The following KCND2 variants were observed in gnomAD, a reference collection of about 807,000 sequenced individuals.
KCND2 encodes the protein A-type voltage-gated potassium channel KCND2.
In KCND2, 16 loss-of-function variants were observed where a neutral mutation model predicts 54.4. The ratio of observed to expected loss-of-function variants is 0.29; its 90% CI spans 0.20 to 0.45. The LOEUF (loss-of-function observed/expected upper bound fraction) is 0.45, where lower values mean the gene tolerates loss of function less well. Ranked by LOEUF, KCND2 falls within the 20% of genes least tolerant of loss-of-function variation. The probability of loss-of-function intolerance (pLI) is 1.00; values close to 1 mark genes in which losing one functional copy is unlikely to be tolerated. For missense variants in KCND2, 486 were observed against 824.2 expected (o/e 0.59, Z 5.02); for synonymous variants, 317 against 310.7 (o/e 1.02, Z -0.21).
intron 1 of KCND2, among the ~76,000 whole-genome samples, chr7:120,465,941 A>T (rs1802361822): frequency 6.6e-6 from 1 of 152,144 alleles, no homozygotes; most frequent in Non-Finnish European, 1.5e-5. Context: ...TGAGTAATAC[A>T]ATATTAGTTT....
rs145337989 is a variant in KCND2 at position 120,286,527 on chromosome 7, T to C, written c.1115+10780T>C. Among the ~76,000 whole-genome samples, 529 of 152,126 alleles carry C rather than the reference T, an allele frequency of 3.5e-3. 1 individual carries two copies. The highest frequency in any genetic ancestry group is 0.012 in the African/African-American group (485 of 41,556). ...ATTATATTGTTATTACTATTGACTA[T>C]ATAACAGTATTAAATATAGTACATA... is the stretch of plus-strand genomic sequence containing the variant. On this transcript the variant is annotated intron_variant, in intron 1 of 5. Coordinates refer to ENST00000331113, the MANE Select transcript of KCND2 (RefSeq NM_012281.3).
chr7:120,464,816 G>A (rs532675771), intron 1 of KCND2, among the ~76,000 whole-genome samples: 51 of 152,126 alleles, frequency 3.4e-4, no homozygotes, highest in African/African-American at 1.1e-3. Context: ...ATGTATTCCC[G>A]TCCATCTTCA....
At chr7:120,521,789 CAT>C (rs1456530003) in intron 1 of KCND2, among the ~76,000 whole-genome samples, 2 of 152,132 alleles carry the variant, frequency 1.3e-5, no homozygotes, top group Admixed American at 1.3e-4. Flanking sequence ...CATGCATACA[CAT>C]GTATAAACAC....
intron 1 of KCND2, among the ~76,000 whole-genome samples, chr7:120,590,845 A>G (rs1293977130): frequency 6.6e-6 from 1 of 152,118 alleles, no homozygotes; most frequent in Non-Finnish European, 1.5e-5. Context: ...CATTATGTAG[A>G]TCCTTGTCTA....
chr7:120,731,743 G>T (rs765779449), intron 1 of KCND2, among the ~76,000 whole-genome samples: 7 of 152,170 alleles, frequency 4.6e-5, no homozygotes, highest in Non-Finnish European at 7.4e-5. Context: ...CCACGGTTTG[G>T]TTTATTGTCA....
chr7:120,309,221 C>T (rs1375041353), intron 1 of KCND2, among the ~76,000 whole-genome samples: 5 of 152,000 alleles, frequency 3.3e-5, no homozygotes, highest in African/African-American at 9.7e-5. Flanking sequence ...TCTGCATCCA[C>T]GCAATCGCTC....
In KCND2 at chr7:120,750,085, A is replaced by G. The variant is rs1464570125; in HGVS notation, c.*2227A>G. ...AAGAAAAAAAACTTTTTGATGTTTT[A>G]GGTGATTTAAAAATATACCGTGTTG... On this transcript the variant is annotated 3_prime_UTR_variant, in exon 6 of 6. Transcript: ENST00000331113. 6.6e-6 allele frequency: 1 copy of G among 152,314 alleles called. No individual in the cohort carries two copies. Among genetic ancestry groups the G allele is most frequent in the Non-Finnish European group, 1.5e-5 (1 of 67,844 alleles). The allele number at this position is 152,314 out of a possible 1,614,324, so 9.4% of individuals were successfully genotyped here.
intron 1 of KCND2, among the ~76,000 whole-genome samples, chr7:120,435,458 T>G (rs945425274): frequency 6.6e-6 from 1 of 151,942 alleles, no homozygotes; most frequent in East Asian, 1.9e-4. Context: ...TCTTTCCAGT[T>G]TACATTATGT....
chr7:120,670,251 C>T (rs1314855042), intron 1 of KCND2, among the ~76,000 whole-genome samples: 1 of 152,080 alleles, frequency 6.6e-6, no homozygotes, highest in Admixed American at 6.5e-5. Context: ...ATCATTTTTT[C>T]AGGATCATAT....
intron 1 of KCND2, among the ~76,000 whole-genome samples, chr7:120,424,169 T>C (rs1019958678): frequency 6.6e-6 from 1 of 152,194 alleles, no homozygotes; most frequent in Admixed American, 6.5e-5. Context: ...TAAACTTGAA[T>C]ATAAGGGTAG....
chr7:120,666,386 C>A (rs1225019230), intron 1 of KCND2, among the ~76,000 whole-genome samples: 3 of 151,610 alleles, frequency 2.0e-5, no homozygotes, highest in African/African-American at 7.3e-5. Context: ...GACCCAGTTT[C>A]TTTCTAAAGA....
intron 1 of KCND2, among the ~76,000 whole-genome samples, chr7:120,346,726 T>C (rs1392735417): frequency 2.0e-5 from 3 of 152,068 alleles, no homozygotes; most frequent in Admixed American, 6.6e-5. Context: ...TGTCTCTTTC[T>C]CTAAATCCCT....
intron 1 of KCND2, among the ~76,000 whole-genome samples, chr7:120,285,124 A>G (rs1799321482): frequency 6.6e-6 from 1 of 152,080 alleles, no homozygotes; most frequent in African/African-American, 2.4e-5. Flanking sequence ...ATTTTATCCA[A>G]CTCAATGATT....
chr7:120,738,928 C>T (rs1052498279), intron 2 of KCND2, among the ~76,000 whole-genome samples: 3 of 151,992 alleles, frequency 2.0e-5, no homozygotes, highest in Non-Finnish European at 4.4e-5. Context: ...CCAATTAACT[C>T]CTATGGAATT....
rs1398489548 is a variant in KCND2, at chr7:120,274,322, C to T, written c.-311C>T. 1.6e-5 allele frequency: 8 copies of T among 514,582 alleles called. No homozygotes were observed. Among genetic ancestry groups the T allele is most frequent in the Non-Finnish European group, 2.1e-5 (6 of 286,582 alleles). The allele number at this position is 514,582 out of a possible 1,614,324, so 31.9% of individuals were successfully genotyped here. A position where few individuals can be genotyped will look rare whatever the true frequency, so the allele number is the denominator to read the frequency against. On this transcript the variant is annotated 5_prime_UTR_variant, in exon 1 of 6. Transcript: ENST00000331113. ...ACACCTGTTTGAAGAAACGGCTGCA[C>T]CTGTGTGCTTATTTGTGCCAGAGGG...
At chr7:120,303,532 A>G (rs1391573367) in intron 1 of KCND2, among the ~76,000 whole-genome samples, 1 of 152,212 alleles carries the variant, frequency 6.6e-6, no homozygotes. Context: ...TATTTAGAAA[A>G]TAAGTTAGTT....
At chr7:120,444,922 C>A (rs1165418856) in intron 1 of KCND2, among the ~76,000 whole-genome samples, 1 of 152,078 alleles carries the variant, frequency 6.6e-6, no homozygotes, top group African/African-American at 2.4e-5. Context: ...ACGACCTCAA[C>A]TGTCATTGGG....
At chr7:120,701,583 T>C (rs1416126884) in intron 1 of KCND2, among the ~76,000 whole-genome samples, 1 of 152,126 alleles carries the variant, frequency 6.6e-6, no homozygotes, top group Non-Finnish European at 1.5e-5. Context: ...CAAAACAGCT[T>C]GGTACTGGTA....
chr7:120,727,184 A>G (rs1792744506), intron 1 of KCND2, among the ~76,000 whole-genome samples: 1 of 152,188 alleles, frequency 6.6e-6, no homozygotes. Flanking sequence ...AGCTAACAGT[A>G]TTGTTTGAAG....
Sources: gnomAD v4.1 joint callset for allele counts (sites outside exome capture counted in the v4.1 genomes callset) on GRCh38, gnomAD v4.1.1 for gene constraint, MANE v1.5 for transcripts, NCBI Gene and HGNC (gene_info 2026-07-23, HGNC 2026-07-21) for gene names.